PCDHAC1: variants seen among roughly 807,000 people sequenced by gnomAD.
PCDHAC1 encodes protocadherin alpha subfamily C, 1.
A neutral mutation model predicts 60.0 loss-of-function variants in PCDHAC1; 42 were observed. The ratio of observed to expected loss-of-function variants is 0.70; its 90% CI spans 0.55 to 0.90. PCDHAC1 has a LOEUF of 0.90. PCDHAC1 is among the 40% of genes least tolerant of loss of function. PCDHAC1 has a pLI of 0.00. For missense variants in PCDHAC1, 1,160 were observed against 1,222.3 expected, an observed-to-expected ratio of 0.95 and a Z score of 0.76; for synonymous variants, 468 against 499.3, an observed-to-expected ratio of 0.94 and a Z score of 0.84.
At chr5:141,003,968 G>A (rs1262948428) in intron 3 of PCDHAC1, among the ~76,000 whole-genome samples, 1 of 152,148 alleles carries the variant, frequency 6.6e-6, no homozygotes, top group Non-Finnish European at 1.5e-5. Flanking sequence ...GGAGCATAAG[G>A]GAGGGGACTT....
At chr5:140,978,767 AC>A (rs1167493285) in intron 1 of PCDHAC1, among the ~76,000 whole-genome samples, 181 bp from the exon 2 acceptor site, 4 of 152,342 alleles carry the variant, frequency 2.6e-5, no homozygotes, top group South Asian at 2.1e-4. Flanking sequence ...ACCCTGATGA[AC>A]TAATTTTCTT....
intron 3 of PCDHAC1, among the ~76,000 whole-genome samples, chr5:141,000,395 C>CTATA (rs1190667031): frequency 1.7e-4 from 9 of 53,980 alleles, no homozygotes; most frequent in Admixed American, 6.3e-4. Flanking sequence ...CTCTCTCTCT[C>CTATA]TATATATATA....
intron 3 of PCDHAC1, among the ~76,000 whole-genome samples, chr5:141,006,808 A>T (rs576819521): frequency 1.3e-5 from 2 of 152,322 alleles, no homozygotes; most frequent in East Asian, 3.9e-4. Flanking sequence ...TTCTGGCTTG[A>T]GAAATGGGGT....
intron 3 of PCDHAC1, among the ~76,000 whole-genome samples, chr5:141,004,011 CT>C (rs1220756747): frequency 2.6e-4 from 40 of 152,200 alleles, no homozygotes; most frequent in African/African-American, 9.4e-4. Context: ...GGAGGCAGCA[CT>C]GAAAGAAGAA....
intron 1 of PCDHAC1, among the ~76,000 whole-genome samples, chr5:140,972,711 T>A (rs2096551404): frequency 6.7e-6 from 1 of 148,680 alleles, no homozygotes; most frequent in Non-Finnish European, 1.5e-5. Context: ...GTTGCCAGGC[T>A]GGAGTGCAGT....
chr5:141,005,701 CAAAAA>C (rs59860837), intron 3 of PCDHAC1, among the ~76,000 whole-genome samples: 1 of 7,786 alleles, frequency 1.3e-4, no homozygotes, highest in Non-Finnish European at 2.7e-4. Context: ...AACTCCGTCT[CAAAAA>C]AAAAAAAAAA....
chr5:140,998,569 GT>G (rs71574497), intron 3 of PCDHAC1, among the ~76,000 whole-genome samples: 30,440 of 149,318 alleles, frequency 0.2, 3,131 homozygotes, highest in Middle Eastern at 0.33. Flanking sequence ...TTGTAAATAA[GT>G]TTTTTTTTTT....
chr5:141,000,782 C>T (rs149032263), intron 3 of PCDHAC1, among the ~76,000 whole-genome samples: 174 of 152,002 alleles, frequency 1.1e-3, no homozygotes, highest in African/African-American at 3.9e-3. Flanking sequence ...TGGCGCACAC[C>T]TGTATTCCTA....
At chr5:140,960,715 CTTATTTTAGTCCA>C (rs60915889) in intron 1 of PCDHAC1, among the ~76,000 whole-genome samples, 85,456 of 151,802 alleles carry the variant, frequency 0.56, 24,653 homozygotes, top group African/African-American at 0.69. Flanking sequence ...AAATACTCAT[CTTATTTTAGTCCA>C]TGATTTTAGT....
At chr5:140,947,627 A>C (rs1375142600) in intron 1 of PCDHAC1, among the ~76,000 whole-genome samples, 1 of 151,696 alleles carries the variant, frequency 6.6e-6, no homozygotes, top group Non-Finnish European at 1.5e-5. Context: ...ATATTGAGTC[A>C]TCAGATCGTA....
intron 1 of PCDHAC1, among the ~76,000 whole-genome samples, chr5:140,941,202 C>CCTTTCTTCCTTCCTTTCTTT (rs1394736170): frequency 8.1e-5 from 10 of 122,740 alleles, no homozygotes; most frequent in African/African-American, 2.1e-4. Context: ...TTTCTTTCTT[C>CCTTTCTTCCTTCCTTTCTTT]CTTTCTTTCT....
intron 1 of PCDHAC1, among the ~76,000 whole-genome samples, chr5:140,969,974 A>G (rs11750201): frequency 0.017 from 2,514 of 152,228 alleles, 25 homozygotes; most frequent in Middle Eastern, 0.037. Flanking sequence ...TGATGTGGCA[A>G]CTCTTCTGTA....
At chr5:141,004,142 G>C (rs1323224367) in intron 3 of PCDHAC1, among the ~76,000 whole-genome samples, 1 of 152,214 alleles carries the variant, frequency 6.6e-6, no homozygotes, top group African/African-American at 2.4e-5. Flanking sequence ...TGCCCCAAAG[G>C]CATGACATTT....
At chr5:140,969,702 C>A (rs1305755991) in intron 1 of PCDHAC1, among the ~76,000 whole-genome samples, 1 of 152,144 alleles carries the variant, frequency 6.6e-6, no homozygotes, top group African/African-American at 2.4e-5. Context: ...TCTGCTGTAT[C>A]ATCTACAGGG....
At chr5:140,968,346 C>A in intron 1 of PCDHAC1, 2 of 1,614,090 alleles carry the variant, frequency 1.2e-6, no homozygotes, top group Non-Finnish European at 1.7e-6. Context: ...ATTAACAGTG[C>A]CAGTGGCAGC....
At chr5:140,971,782 A>G (rs1458049076) in intron 1 of PCDHAC1, among the ~76,000 whole-genome samples, 1 of 152,166 alleles carries the variant, frequency 6.6e-6, no homozygotes, top group Non-Finnish European at 1.5e-5. Context: ...ATTCAAGATT[A>G]TTCAATATAT....
chr5:140,946,828 G>A (rs246052), intron 1 of PCDHAC1, among the ~76,000 whole-genome samples: 84,737 of 150,610 alleles, frequency 0.56, 24,429 homozygotes, highest in African/African-American at 0.69. Context: ...CCAGAGATGG[G>A]TAGGGCAGTA....
At chr5:140,976,140 C>T (rs1276971902) in intron 1 of PCDHAC1, among the ~76,000 whole-genome samples, 9 of 152,130 alleles carry the variant, frequency 5.9e-5, no homozygotes, top group African/African-American at 1.7e-4. Flanking sequence ...CTGGATGAAA[C>T]TCATGTACAT....
At chr5:140,991,298 ATTATC>A (rs1361844877) in intron 3 of PCDHAC1, among the ~76,000 whole-genome samples, 1 of 152,170 alleles carries the variant, frequency 6.6e-6, no homozygotes, top group African/African-American at 2.4e-5. Flanking sequence ...ACACATTACT[ATTATC>A]TTGTCCCGCA....
Sources: allele counts gnomAD v4.1 joint callset (sites outside exome capture counted in the v4.1 genomes callset), GRCh38; gene constraint gnomAD v4.1.1; transcripts MANE v1.5; gene names NCBI Gene and HGNC (gene_info 2026-07-23, HGNC 2026-07-21).